COL2A1: variants seen among roughly 807,000 people sequenced by gnomAD.
COL2A1 encodes the protein collagen type II alpha 1 chain, also known as collagen alpha-1(II) chain.
Under a neutral mutation model 204.5 loss-of-function variants are expected in COL2A1, and 28 were observed. The ratio of observed to expected loss-of-function variants is 0.14; its 90% CI spans 0.10 to 0.19. The LOEUF (loss-of-function observed/expected upper bound fraction) is 0.19, where lower values mean the gene tolerates loss of function less well. COL2A1 is among the 10% of genes least tolerant of loss of function. COL2A1 has a pLI of 1.00. For missense variants in COL2A1, 1,388 were observed against 2,027.5 expected, an observed-to-expected ratio of 0.68 and a Z score of 6.06; for synonymous variants, 708 against 718.7, an observed-to-expected ratio of 0.99 and a Z score of 0.24.
chr12:47,985,660 C>CT lies in COL2A1; in HGVS notation c.1680+67dup. On this transcript the variant is annotated intron_variant, in intron 25 of 53. Coordinates refer to ENST00000380518, the MANE Select transcript of COL2A1 (RefSeq NM_001844.5). ...ACCTCCCAATCCTGGCAGTGCAGGG[C>CT]TGGAAGGAGCCAGCCAGGAAGGGCC... The CT allele has an allele frequency of 8.1e-6, 13 of 1,609,112 alleles. No homozygotes were observed. In the South Asian group the frequency reaches 1.1e-4, roughly 14 times the overall value.
chr12:48,004,209 A>T, intron 1 of COL2A1, 28 bp downstream of exon 1: 1 of 1,481,096 alleles, frequency 6.8e-7, no homozygotes. Context: ...GAAAGCAGGC[A>T]GGCAGGCAGG....
intron 34 of COL2A1, 89 bp from the exon 35 acceptor site, chr12:47,982,249 A>C: frequency 2.5e-6 from 3 of 1,202,928 alleles, no homozygotes; most frequent in Non-Finnish European, 3.7e-6. Context: ...GTGCTAGGGA[A>C]AGCCCAGTCC....
At position 47,985,013 on chromosome 12, in the gene COL2A1, A is replaced by G; in HGVS notation, c.1815T>C (p.Pro605=). Residue 605 remains proline (P), a synonymous_variant, in exon 27 of 54, where the codon CCT becomes CCC. Transcript: ENST00000380518. ...ARGQPGVMGF[P]GPKGANGEPG... is the part of the protein sequence containing the mutation. ...TACTTACGTTGGCACCTTTGGGGCCAGGGAAACCCATGACACCAGGCTGCC... is the reference window on the plus strand; with the variant it reads ...TACTTACGTTGGCACCTTTGGGGCCGGGGAAACCCATGACACCAGGCTGCC... The G allele has an allele frequency of 6.2e-7, 1 of 1,614,030 alleles. No homozygotes were observed. Among genetic ancestry groups the G allele is most frequent in the South Asian group, 1.1e-5 (1 of 91,058 alleles).
intron 28 of COL2A1, among the ~76,000 whole-genome samples, 183 bp from the exon 29 acceptor site, chr12:47,984,323 C>T (rs1241828295): frequency 2.0e-5 from 3 of 152,166 alleles, no homozygotes; most frequent in Non-Finnish European, 4.4e-5. Context: ...TAGCTGTTCT[C>T]AGCATGGAAG....
chr12:47,987,611 G>A lies in COL2A1; in HGVS notation c.1221C>T (p.Ser407=), dbSNP rs150865922. 7,381 of 1,611,182 alleles carry A rather than the reference G, an allele frequency of 4.6e-3. 26 individuals carry two copies. The highest frequency in any genetic ancestry group is 5.1e-3 in the Non-Finnish European group (6,040 of 1,178,562). The stretch of plus-strand genomic sequence containing the variant: ...CAGGCCAAAGAGAAGCTGCACTTAC[G>A]GAGGCACCAGCAGGCCCAGGGGACC... The part of the protein sequence containing the change: ...TPGSPGPAGA[S]GNPGTDGIPG... The change falls in exon 19 of 54, where the codon TCC becomes TCT. Residue 407 remains serine, a splice_region_variant and synonymous_variant. Transcript: ENST00000380518. The surrounding 1 kb of genome is among the most constrained non-coding windows in gnomAD (Gnocchi z 4.1).
At chr12:47,981,496 G>A in intron 36 of COL2A1, 100 bp from the exon 37 acceptor site, 2 of 1,094,050 alleles carry the variant, frequency 1.8e-6, no homozygotes, top group East Asian at 2.6e-5. Context: ...TGGGAAGGGG[G>A]CTCCAGGTCC....
chr12:47,977,474 G>A (rs965500546), intron 45 of COL2A1, 47 bp from the exon 46 acceptor site: 2 of 1,577,298 alleles, frequency 1.3e-6, no homozygotes, highest in Non-Finnish European at 1.7e-6. Flanking sequence ...TTCCAGAAGA[G>A]ACAGGAACAG....
chr12:47,975,348 G>A lies in COL2A1; in HGVS notation c.3855C>T (p.Asp1285=). The A allele has an allele frequency of 1.9e-6, 3 of 1,614,140 alleles. No individual in the cohort carries two copies. Among genetic ancestry groups the A allele is most frequent in the Non-Finnish European group, 2.5e-6 (3 of 1,180,044 alleles). The change falls in exon 51 of 54, where the codon GAC becomes GAT. Residue 1285 remains aspartate, a synonymous_variant. Coordinates refer to ENST00000380518, the MANE Select transcript of COL2A1 (RefSeq NM_001844.5). ...SRKNPARTCR[D]LKLCHPEWKS... ...TCCACTCAGGGTGGCAGAGTTTCAG[G>A]TCTCTGCAGGTGCGAGCAGGGTTCT... is the stretch of plus-strand genomic sequence containing the variant.
intron 14 of COL2A1, 136 bp downstream of exon 14, chr12:47,993,673 T>C: frequency 8.7e-7 from 1 of 1,153,078 alleles, no homozygotes; most frequent in East Asian, 2.4e-5. Context: ...CCCATCAGGA[T>C]GTAGGGCTGG....
At chr12:47,983,630 G>A in intron 30 of COL2A1, 53 bp downstream of exon 30, 1 of 1,562,018 alleles carries the variant, frequency 6.4e-7, no homozygotes, top group Non-Finnish European at 8.7e-7. Context: ...GCTGTCCCAG[G>A]GAGCCCTGGG....
chr12:47,989,601 T>C (rs935714802), intron 17 of COL2A1, among the ~76,000 whole-genome samples, 160 bp downstream of exon 17: 15 of 152,186 alleles, frequency 9.9e-5, no homozygotes, highest in Non-Finnish European at 2.9e-5. Flanking sequence ...ATCGATATGC[T>C]CAATTGATAT....
Position 47,980,211 on chromosome 12 carries a change from G to T in COL2A1, c.2626-149C>A, listed in dbSNP as rs996169318. The stretch of plus-strand genomic sequence containing the variant: ...CAGCCTGAAGAGGCTGCCACAGGCA[G>T]CTCTGTCCCCTCTGCCACAGGAGAC... On this transcript the variant is annotated intron_variant, in intron 39 of 53. Coordinates refer to ENST00000380518, the MANE Select transcript of COL2A1 (RefSeq NM_001844.5). This position sits in a 1 kb window ranked among gnomAD's most constrained non-coding sequence, Gnocchi z 4.5. 1 of 731,844 alleles carries T rather than the reference G, an allele frequency of 1.4e-6. No individual in the cohort carries two copies. The highest frequency in any genetic ancestry group is 2.7e-5 in the East Asian group (1 of 37,350). The allele number at this position is 731,844 out of a possible 1,614,324, so 45.3% of individuals were successfully genotyped here.
chr12:47,994,148 C>A (rs947952970), intron 12 of COL2A1, 101 bp from the exon 13 acceptor site: 5 of 1,334,062 alleles, frequency 3.7e-6, no homozygotes, highest in East Asian at 2.3e-5. Context: ...GCCACCAGGG[C>A]GTTGTCTCGA....
Position 48,000,012 on chromosome 12 carries a change from T to A in COL2A1, c.199A>T (p.Ile67Leu). The A allele has an allele frequency of 7.4e-6, 12 of 1,614,194 alleles. No homozygotes were observed. Among genetic ancestry groups the A allele is most frequent in the Non-Finnish European group, 8.5e-6 (10 of 1,180,042 alleles). ...CDTGTVLCDD[I>L]ICEDVKDCLS... is the part of the protein sequence containing the mutation. The stretch of plus-strand genomic sequence containing the variant: ...CAGTCTTTCACGTCTTCACAGATTA[T>A]GTCGTCGCAGAGGACAGTCCCAGTG... Residue 67 changes from isoleucine (I) to leucine (L), a missense_variant, in exon 2 of 54, where the codon ATA becomes TTA. Around this residue, in one of 3 missense-constraint regions of COL2A1, gnomAD observed 201 missense variants for 242.4 expected, o/e 0.83. Transcript: ENST00000380518.
At chr12:47,996,401 T>C (rs563145283) in intron 8 of COL2A1, 147 bp downstream of exon 8, 3 of 781,052 alleles carry the variant, frequency 3.8e-6, no homozygotes, top group South Asian at 2.8e-5. Context: ...ACCAAATGCT[T>C]TGGGCTAGCT....
chr12:47,981,733 G>T, intron 36 of COL2A1, 43 bp downstream of exon 36: 2 of 1,540,482 alleles, frequency 1.3e-6, no homozygotes, highest in South Asian at 2.4e-5. Flanking sequence ...AAGGAGGTGT[G>T]ACAGGGAGGC....
intron 2 of COL2A1, 198 bp from the exon 3 acceptor site, chr12:47,998,629 T>C (rs1940079556): frequency 1.3e-5 from 8 of 620,458 alleles, no homozygotes; most frequent in Non-Finnish European, 2.0e-5. Flanking sequence ...TGAGGTCCCA[T>C]GAGGAATGGA....
chr12:47,986,566 C>A, intron 22 of COL2A1, 123 bp from the exon 23 acceptor site: 1 of 734,868 alleles, frequency 1.4e-6, no homozygotes, highest in Non-Finnish European at 2.3e-6. Flanking sequence ...GGCTTGAGGA[C>A]GAGAGGCCAT....
intron 7 of COL2A1, 123 bp from the exon 8 acceptor site, chr12:47,996,748 C>G: frequency 1.2e-6 from 1 of 839,966 alleles, no homozygotes; most frequent in Non-Finnish European, 2.1e-6. Context: ...TGGAGACTAA[C>G]CTATCATTGA....
Sources: gnomAD v4.1 joint callset for allele counts (sites outside exome capture counted in the v4.1 genomes callset) on GRCh38, gnomAD v4.1.1 for gene constraint, gnomAD v4.1.1 regional missense constraint, Gnocchi (gnomAD v3.1) non-coding constraint, MANE v1.5 for transcripts, NCBI Gene and HGNC (gene_info 2026-07-23, HGNC 2026-07-21) for gene names.